The following PTPRR variants were observed in gnomAD, a reference collection of about 807,000 sequenced individuals.
PTPRR encodes receptor-type tyrosine-protein phosphatase R.
PTPRR carries 38 observed loss-of-function variants against 77.2 expected under a neutral mutation model. That is an observed-to-expected ratio of 0.49 (90% CI 0.38 to 0.65). The LOEUF (loss-of-function observed/expected upper bound fraction) is 0.65. Ranked by LOEUF, PTPRR falls within the 30% of genes least tolerant of loss-of-function variation. The pLI, the probability that PTPRR is intolerant of heterozygous loss-of-function variation, is 0.00. For synonymous variants in PTPRR, 299 were observed against 283.1 expected, an observed-to-expected ratio of 1.06 and a Z score of -0.57; for missense variants, 744 against 799.2, an observed-to-expected ratio of 0.93 and a Z score of 0.83.
At chr12:70,649,597 T>C (rs1038312174) in intron 13 of PTPRR, among the ~76,000 whole-genome samples, 5 of 152,180 alleles carry the variant, frequency 3.3e-5, no homozygotes, top group African/African-American at 1.2e-4. Context: ...CCTTTGTTTT[T>C]TTGAGTCTCA....
intron 2 of PTPRR, among the ~76,000 whole-genome samples, chr12:70,839,129 GA>G (rs899099399): frequency 2.6e-5 from 4 of 152,076 alleles, no homozygotes; most frequent in African/African-American, 9.7e-5. Flanking sequence ...GAACCATGTG[GA>G]AAAGGGTTAT....
intron 12 of PTPRR, among the ~76,000 whole-genome samples, chr12:70,660,579 T>G (rs531453256): frequency 3.3e-5 from 5 of 152,326 alleles, no homozygotes; most frequent in African/African-American, 1.2e-4. Context: ...AAGCCACTGA[T>G]AATTTCAAAA....
intron 2 of PTPRR, among the ~76,000 whole-genome samples, chr12:70,865,166 T>G (rs935384781): frequency 6.6e-6 from 1 of 152,080 alleles, no homozygotes; most frequent in Admixed American, 6.6e-5. Context: ...CTCATTTCTC[T>G]CTTGCCTGTC....
intron 2 of PTPRR, among the ~76,000 whole-genome samples, chr12:70,869,980 G>T (rs946097711): frequency 6.6e-6 from 1 of 152,090 alleles, no homozygotes. Context: ...ACAAAGAGTT[G>T]GACAACCTCT....
In PTPRR at chr12:70,699,157, C is replaced by T. The variant is rs75396414; in HGVS notation, c.1195-808G>A. On this transcript the variant is annotated intron_variant, in intron 7 of 13. Coordinates refer to ENST00000283228, the MANE Select transcript of PTPRR (RefSeq NM_002849.4). ...ACATTTGTTTAAAGATTTGATTATACAAAATAGTATGTTCTCTAACTTTGA... is the reference window on the plus strand; with the variant it reads ...ACATTTGTTTAAAGATTTGATTATATAAAATAGTATGTTCTCTAACTTTGA... Among the ~76,000 whole-genome samples the T allele has an allele frequency of 6.9e-3, 1,043 of 152,204 alleles. 5 individuals carry two copies. Among genetic ancestry groups the T allele is most frequent in the Middle Eastern group, 0.017 (5 of 294 alleles).
At chr12:70,702,253 A>G (rs1888454964) in intron 6 of PTPRR, among the ~76,000 whole-genome samples, 1 of 152,070 alleles carries the variant, frequency 6.6e-6, no homozygotes, top group South Asian at 2.1e-4. Context: ...TTTTACAAGT[A>G]ATATTAGCTG....
chr12:70,847,758 C>T (rs1235754917), intron 2 of PTPRR, among the ~76,000 whole-genome samples: 1 of 152,074 alleles, frequency 6.6e-6, no homozygotes, highest in Non-Finnish European at 1.5e-5. Context: ...TTTTGTGGCT[C>T]TAAGCACCAG....
chr12:70,707,201 T>C (rs981452409), intron 6 of PTPRR, among the ~76,000 whole-genome samples: 10 of 152,148 alleles, frequency 6.6e-5, no homozygotes. Context: ...AATGTTTTCA[T>C]GATTCAAAAA....
intron 2 of PTPRR, among the ~76,000 whole-genome samples, chr12:70,855,158 G>C (rs1892631722): frequency 6.6e-6 from 1 of 152,088 alleles, no homozygotes; most frequent in African/African-American, 2.4e-5. Flanking sequence ...TTCCATGAAT[G>C]GTACAATAAA....
intron 1 of PTPRR, among the ~76,000 whole-genome samples, chr12:70,915,932 G>T (rs1006004393): frequency 6.6e-6 from 1 of 152,008 alleles, no homozygotes; most frequent in Non-Finnish European, 1.5e-5. Flanking sequence ...TTTATGTCAG[G>T]AACTGCCCCC....
chr12:70,851,403 C>T (rs926539513), intron 2 of PTPRR, among the ~76,000 whole-genome samples: 1 of 152,076 alleles, frequency 6.6e-6, no homozygotes, highest in Non-Finnish European at 1.5e-5. Context: ...ATGGAAAAAT[C>T]AGAAAAACGT....
chr12:70,780,593 A>T (rs181962893), intron 2 of PTPRR, among the ~76,000 whole-genome samples: 2 of 152,150 alleles, frequency 1.3e-5, no homozygotes, highest in Non-Finnish European at 2.9e-5. Flanking sequence ...TATAATGTAC[A>T]TATGCATATA....
chr12:70,650,380 T>C (rs938374207), intron 13 of PTPRR, among the ~76,000 whole-genome samples: 2 of 152,016 alleles, frequency 1.3e-5, no homozygotes, highest in African/African-American at 4.8e-5. Context: ...TGGGCCCAGA[T>C]AATGCTACTG....
intron 13 of PTPRR, 121 bp from the exon 14 acceptor site, chr12:70,639,398 G>T: frequency 7.2e-7 from 1 of 1,386,350 alleles, no homozygotes; most frequent in South Asian, 1.4e-5. Context: ...CGACCTAGTG[G>T]TTCTTTTGTT....
At chr12:70,814,688 A>G (rs1891869529) in intron 2 of PTPRR, among the ~76,000 whole-genome samples, 1 of 152,290 alleles carries the variant, frequency 6.6e-6, no homozygotes, top group African/African-American at 2.4e-5. Context: ...CCTTCAAGAC[A>G]TGAAAACAAA....
In PTPRR at chr12:70,920,654, G is replaced by A. The variant is rs1336363240; in HGVS notation, c.-264C>T. 2.6e-6 allele frequency: 1 copy of A among 390,744 alleles called. No homozygotes were observed. Among genetic ancestry groups the A allele is most frequent in the African/African-American group, 2.0e-5 (1 of 49,306 alleles). 24.2% of individuals were successfully genotyped at this position (390,744 alleles called of 1,614,324 possible). A position where few individuals can be genotyped will look rare whatever the true frequency, so the allele number is the denominator to read the frequency against. ...GAGGCGGCAAATGCCTGGCCTTCTG[G>A]ACGCCCAGAAGCCAAGGCGGAGACG... On this transcript the variant is annotated 5_prime_UTR_variant, in exon 1 of 14. Transcript: ENST00000283228.
At chr12:70,644,664 A>ATTATTG (rs755557106) in intron 13 of PTPRR, among the ~76,000 whole-genome samples, 1 of 152,200 alleles carries the variant, frequency 6.6e-6, no homozygotes, top group East Asian at 1.9e-4. Context: ...GTCAACTATT[A>ATTATTG]TTATTGTTAT....
At chr12:70,824,432 T>C (rs1026257365) in intron 2 of PTPRR, among the ~76,000 whole-genome samples, 1 of 152,226 alleles carries the variant, frequency 6.6e-6, no homozygotes, top group Non-Finnish European at 1.5e-5. Context: ...ATAAAATTTG[T>C]CATCTCCATC....
In PTPRR at chr12:70,639,388, C is replaced by T. The variant is rs537884915; in HGVS notation, c.1881-111G>A. On this transcript the variant is annotated intron_variant, in intron 13 of 13. Transcript: ENST00000283228. ...TTATGCCAAAGACACATAGAACAGT[C>T]GACCTAGTGGTTCTTTTGTTATCCC... 1.6e-4 allele frequency: 219 copies of T among 1,411,402 alleles called. No individual in the cohort carries two copies. The African/African-American group carries it at 2.4e-3, about 16-fold the overall frequency. 87.4% of individuals were successfully genotyped at this position (1,411,402 alleles called of 1,614,324 possible).
Sources: gnomAD v4.1 joint callset for allele counts (sites outside exome capture counted in the v4.1 genomes callset) on GRCh38, gnomAD v4.1.1 for gene constraint, MANE v1.5 for transcripts, NCBI Gene and HGNC (gene_info 2026-07-23, HGNC 2026-07-21) for gene names.